PDGFC: variants seen among roughly 807,000 people sequenced by gnomAD.
PDGFC encodes platelet-derived growth factor C.
Under a neutral mutation model 35.5 loss-of-function variants are expected in PDGFC, and 12 were observed. That is an observed-to-expected ratio of 0.34 (90% CI 0.22 to 0.55). The LOEUF (loss-of-function observed/expected upper bound fraction) is 0.55, where lower values mean the gene tolerates loss of function less well. Among genes scored for constraint, PDGFC ranks in the 20% least tolerant of loss-of-function variants. PDGFC has a pLI of 0.91. For synonymous variants in PDGFC, 159 were observed against 148.8 expected (o/e 1.07, Z -0.50); for missense variants, 322 against 412.4 (o/e 0.78, Z 1.90).
At chr4:156,945,367 A>G (rs1334076891) in intron 1 of PDGFC, among the ~76,000 whole-genome samples, 19 of 122,670 alleles carry the variant, frequency 1.5e-4, no homozygotes, top group African/African-American at 4.7e-4. Context: ...ATATATATAT[A>G]TATATATATA....
chr4:156,907,155 A>G (rs1730934058), intron 1 of PDGFC, among the ~76,000 whole-genome samples: 2 of 152,198 alleles, frequency 1.3e-5, no homozygotes, highest in African/African-American at 2.4e-5. Context: ...ATGGACCAAA[A>G]AGAGATTACT....
intron 3 of PDGFC, among the ~76,000 whole-genome samples, chr4:156,786,372 A>T (rs1295414892): frequency 6.6e-6 from 1 of 152,252 alleles, no homozygotes; most frequent in Non-Finnish European, 1.5e-5. Flanking sequence ...AGCAGGAAGA[A>T]GACAAGAATG....
At chr4:156,928,010 G>A (rs892793564) in intron 1 of PDGFC, among the ~76,000 whole-genome samples, 1 of 152,158 alleles carries the variant, frequency 6.6e-6, no homozygotes, top group African/African-American at 2.4e-5. Context: ...TTACATGGTG[G>A]TGGCAAGAGA....
chr4:156,937,169 A>G (rs1189773745), intron 1 of PDGFC, among the ~76,000 whole-genome samples: 11 of 152,220 alleles, frequency 7.2e-5, no homozygotes, highest in Admixed American at 7.2e-4. Context: ...ATAGTGATAG[A>G]AGGCATTTCT....
chr4:156,801,496 A>C (rs10023148), intron 3 of PDGFC, among the ~76,000 whole-genome samples: 1 of 152,020 alleles, frequency 6.6e-6, no homozygotes, highest in Non-Finnish European at 1.5e-5. Flanking sequence ...AGTAAACACA[A>C]TATTAGGATA....
At chr4:156,915,323 G>C (rs1443224) in intron 1 of PDGFC, among the ~76,000 whole-genome samples, 88,676 of 151,862 alleles carry the variant, frequency 0.58, 26,085 homozygotes, top group East Asian at 0.7. Context: ...CTCTAAGGTG[G>C]TCATCAGTTT....
chr4:156,856,693 C>T (rs1056709966), intron 1 of PDGFC, among the ~76,000 whole-genome samples: 5 of 152,066 alleles, frequency 3.3e-5, no homozygotes, highest in African/African-American at 1.2e-4. Flanking sequence ...ATTATACAAA[C>T]GTGGCAGAAA....
chr4:156,831,976 G>T (rs1182804599), intron 2 of PDGFC, among the ~76,000 whole-genome samples: 1 of 151,810 alleles, frequency 6.6e-6, no homozygotes, highest in Non-Finnish European at 1.5e-5. Context: ...TAATTCCATG[G>T]TCTATTTATT....
At chr4:156,797,236 TA>T (rs1330451729) in intron 3 of PDGFC, among the ~76,000 whole-genome samples, 228 of 117,682 alleles carry the variant, frequency 1.9e-3, no homozygotes, top group Middle Eastern at 4.6e-3. Context: ...ACAATCAGTC[TA>T]AAAAAAAAAA....
At chr4:156,860,775 T>C (rs1397352936) in intron 1 of PDGFC, among the ~76,000 whole-genome samples, 4 of 152,276 alleles carry the variant, frequency 2.6e-5, no homozygotes, top group Admixed American at 1.3e-4. Context: ...GATCTATTAC[T>C]GCACAACCAC....
intron 1 of PDGFC, among the ~76,000 whole-genome samples, chr4:156,885,226 AG>A (rs1318408091): frequency 2.6e-4 from 39 of 152,186 alleles, no homozygotes; most frequent in Non-Finnish European, 1.3e-4. Flanking sequence ...TACACAGTTT[AG>A]CCTCAGTTCT....
chr4:156,924,266 T>A (rs943067383), intron 1 of PDGFC, among the ~76,000 whole-genome samples: 3 of 152,204 alleles, frequency 2.0e-5, no homozygotes, highest in African/African-American at 7.2e-5. Context: ...ATTCTTGAAA[T>A]CAGGTCCTTT....
intron 1 of PDGFC, among the ~76,000 whole-genome samples, chr4:156,946,597 T>G (rs1579118347): frequency 6.6e-6 from 1 of 152,160 alleles, no homozygotes; most frequent in East Asian, 1.9e-4. Context: ...GAAGAGCTAC[T>G]GTCTTTTCTC....
In PDGFC at chr4:156,851,398, G is replaced by T. The variant is rs75760876; in HGVS notation, c.119-982C>A. 0.019 allele frequency among the ~76,000 whole-genome samples: 2,853 copies of T among 152,238 alleles called. 185 individuals carry two copies. In the South Asian group the frequency reaches 0.23, roughly 12 times the overall value. On this transcript the variant is annotated intron_variant, in intron 1 of 5. Coordinates refer to ENST00000502773, the MANE Select transcript of PDGFC (RefSeq NM_016205.3). ...ATGGCTTCCAAGTTTATTAGGCAAG[G>T]TACCTTTTCACATTTATGAAATGCT...
intron 1 of PDGFC, among the ~76,000 whole-genome samples, chr4:156,929,970 C>T (rs113079533): frequency 7.9e-5 from 12 of 152,228 alleles, no homozygotes; most frequent in Middle Eastern, 3.4e-3. Flanking sequence ...TGGTGATATG[C>T]CAGATGTTAC....
chr4:156,814,600 T>TA (rs930258309), intron 2 of PDGFC, among the ~76,000 whole-genome samples: 3 of 152,062 alleles, frequency 2.0e-5, no homozygotes, highest in African/African-American at 4.8e-5. Context: ...ATCTTCCTAA[T>TA]AAAAAAAGCA....
intron 1 of PDGFC, among the ~76,000 whole-genome samples, chr4:156,921,171 C>G (rs1232240969): frequency 1.3e-5 from 2 of 152,116 alleles, no homozygotes; most frequent in Non-Finnish European, 2.9e-5. Context: ...ATCCCTAAGA[C>G]TACAATGAAG....
Position 156,880,607 on chromosome 4 carries a change from T to C in PDGFC, c.119-30191A>G, listed in dbSNP as rs150308953. The stretch of plus-strand genomic sequence containing the variant: ...AGAAGTAATTTGAAGTTTCAAGTCT[T>C]ATTATTTAAGGAATCCATTTATTTA... On this transcript the variant is annotated intron_variant, in intron 1 of 5. Transcript: ENST00000502773. 3.9e-4 allele frequency among the ~76,000 whole-genome samples: 60 copies of C among 152,298 alleles called. 2 individuals carry two copies. The East Asian group carries it at 0.01, about 27-fold the overall frequency.
Position 156,870,591 on chromosome 4 carries a change from T to C in PDGFC, c.119-20175A>G, listed in dbSNP as rs1468389212. 2.6e-5 allele frequency among the ~76,000 whole-genome samples: 4 copies of C among 152,136 alleles called. 1 individual carries two copies. Reference sequence around the variant, plus strand: ...AAATGGATCTTCTCCTCCTCACTTATAAATAAATTAATATTACGAAGACAC... The same window carrying C: ...AAATGGATCTTCTCCTCCTCACTTACAAATAAATTAATATTACGAAGACAC... On this transcript the variant is annotated intron_variant, in intron 1 of 5. Transcript: ENST00000502773.
Sources: gnomAD v4.1 joint callset for allele counts (sites outside exome capture counted in the v4.1 genomes callset) on GRCh38, gnomAD v4.1.1 for gene constraint, MANE v1.5 for transcripts, NCBI Gene and HGNC (gene_info 2026-07-23, HGNC 2026-07-21) for gene names.